The following RELN variants were observed in gnomAD, a reference collection of about 807,000 sequenced individuals.
The protein encoded by RELN is reelin.
In RELN, 108 loss-of-function variants were observed where a neutral mutation model predicts 427.6. The ratio of observed to expected loss-of-function variants is 0.25; its 90% confidence interval spans 0.22 to 0.30. The LOEUF (loss-of-function observed/expected upper bound fraction) is 0.30, where lower values mean the gene tolerates loss of function less well. RELN is among the 10% of genes least tolerant of loss of function. The pLI is 1.00. For missense variants in RELN, 3,715 were observed against 4,302.8 expected (o/e 0.86, Z 3.82); for synonymous variants, 1,524 against 1,513.4 (o/e 1.01, Z -0.16).
rs371510474 is a variant in RELN, at chr7:103,561,522, T to G, written c.5529+10A>C. 4.4e-6 allele frequency: 7 copies of G among 1,602,260 alleles called. No homozygotes were observed. Among genetic ancestry groups the G allele is most frequent in the African/African-American group, 2.7e-5 (2 of 74,640 alleles). On this transcript the variant is annotated intron_variant, in intron 36 of 64. Coordinates refer to ENST00000428762, the MANE Select transcript of RELN (RefSeq NM_005045.4). ...TAATGTTGGGAAGGAGAATCTTATC[T>G]GTATCTGACCCCTTTAAAAATTAGA...
chr7:103,486,531 A>T, intron 60 of RELN, 115 bp from the exon 61 acceptor site: 1 of 825,888 alleles, frequency 1.2e-6, no homozygotes, highest in South Asian at 1.5e-5. Context: ...ATGGCAAAAT[A>T]CAAGGAACTT....
intron 3 of RELN, among the ~76,000 whole-genome samples, chr7:103,783,978 C>A (rs1358232803): frequency 2.0e-5 from 3 of 149,624 alleles, no homozygotes; most frequent in Non-Finnish European, 3.0e-5. Flanking sequence ...GGATATGTAA[C>A]AGCAAAGAGA....
chr7:103,540,233 C>T lies in RELN; in HGVS notation c.6894G>A (p.Glu2298=), dbSNP rs748953320. 6.2e-7 allele frequency: 1 copy of T among 1,614,206 alleles called. No homozygotes were observed. Among genetic ancestry groups the T allele is most frequent in the Non-Finnish European group, 8.5e-7 (1 of 1,180,030 alleles). Reference sequence around the variant, plus strand: ...CCCAGGGGCTGTAGAAGTGCCCATTCTCAGACGGTTGCCACCAGCGAAGGC... The same window carrying T: ...CCCAGGGGCTGTAGAAGTGCCCATTTTCAGACGGTTGCCACCAGCGAAGGC... The part of the protein sequence containing the change: ...STRLRWWQPS[E]NGHFYSPWVI... The change falls in exon 44 of 65, where the codon GAG becomes GAA. Residue 2298 remains glutamate, a synonymous_variant. Coordinates refer to ENST00000428762, the MANE Select transcript of RELN (RefSeq NM_005045.4).
chr7:103,731,209 A>C (rs117271375), intron 6 of RELN, among the ~76,000 whole-genome samples: 2,298 of 152,244 alleles, frequency 0.015, 21 homozygotes, highest in Non-Finnish European at 0.025. Context: ...TGGTCCCGGA[A>C]CTGGTCCTGA....
At chr7:103,882,092 G>T (rs1443803463) in intron 2 of RELN, among the ~76,000 whole-genome samples, 1 of 152,130 alleles carries the variant, frequency 6.6e-6, no homozygotes, top group East Asian at 1.9e-4. Context: ...TTAATTAAAT[G>T]ATTCTCTGAA....
chr7:103,768,545 T>A (rs1353091926), intron 4 of RELN, among the ~76,000 whole-genome samples: 1 of 152,194 alleles, frequency 6.6e-6, no homozygotes, highest in Non-Finnish European at 1.5e-5. Flanking sequence ...TCATGGTCCA[T>A]AGCAAACATT....
At position 103,569,125 on chromosome 7, in the gene RELN, G is replaced by C. The variant is rs1437374196; in HGVS notation, c.4589-2366C>G. On this transcript the variant is annotated intron_variant, in intron 31 of 64. Transcript: ENST00000428762. This position sits in a 1 kb window ranked among gnomAD's most constrained non-coding sequence, Gnocchi z 4.0. ...TAAAAGGCATTGTCGTTTATTCCTTGCTCCCTCTCAGATCTCTTGCTCTGG... is the reference window on the plus strand; with the variant it reads ...TAAAAGGCATTGTCGTTTATTCCTTCCTCCCTCTCAGATCTCTTGCTCTGG... 2.0e-5 allele frequency among the ~76,000 whole-genome samples: 3 copies of C among 152,122 alleles called. No homozygotes were observed. Among genetic ancestry groups the C allele is most frequent in the Non-Finnish European group, 4.4e-5 (3 of 68,028 alleles).
chr7:103,613,663 T>C (rs117963203), intron 20 of RELN, among the ~76,000 whole-genome samples: 3,218 of 152,290 alleles, frequency 0.021, 48 homozygotes, highest in Non-Finnish European at 0.031. Flanking sequence ...ATGAGGAAGA[T>C]ACTTAGAGGC....
chr7:103,913,978 G>C (rs1795425689), intron 2 of RELN, among the ~76,000 whole-genome samples: 1 of 152,078 alleles, frequency 6.6e-6, no homozygotes, highest in Non-Finnish European at 1.5e-5. Context: ...GTCGCTGATG[G>C]GCTCTGCCCA....
chr7:103,706,023 C>A (rs1320665771), intron 8 of RELN, among the ~76,000 whole-genome samples: 2 of 152,106 alleles, frequency 1.3e-5, no homozygotes, highest in South Asian at 2.1e-4. Context: ...ATTTTAAATT[C>A]ATTACTGCTT....
intron 6 of RELN, among the ~76,000 whole-genome samples, chr7:103,743,898 A>C (rs1168227278): frequency 2.0e-5 from 3 of 152,140 alleles, no homozygotes; most frequent in Non-Finnish European, 2.9e-5. Flanking sequence ...GAATTCAGCT[A>C]TGCACCAAGC....
At chr7:103,962,192 T>C (rs1796571563) in intron 1 of RELN, among the ~76,000 whole-genome samples, 1 of 152,136 alleles carries the variant, frequency 6.6e-6, no homozygotes, top group African/African-American at 2.4e-5. Context: ...CGTGCTGAAC[T>C]CATCCTGTTC....
chr7:103,477,033 C>A (rs1215106971), intron 64 of RELN, among the ~76,000 whole-genome samples: 1 of 152,118 alleles, frequency 6.6e-6, no homozygotes, highest in Non-Finnish European at 1.5e-5. Flanking sequence ...GAACTAGGTC[C>A]ATTTTTAAAT....
At chr7:103,888,243 AAAT>A (rs1344809527) in intron 2 of RELN, among the ~76,000 whole-genome samples, 2 of 105,840 alleles carry the variant, frequency 1.9e-5, no homozygotes, top group African/African-American at 7.9e-5. Context: ...TAAGAAAAAA[AAAT>A]ATATATATAT....
intron 55 of RELN, 136 bp downstream of exon 55, chr7:103,497,684 A>G (rs1346167505): frequency 1.3e-6 from 1 of 758,750 alleles, no homozygotes; most frequent in African/African-American, 1.7e-5. Flanking sequence ...AATACAAACA[A>G]AATCTGTAGC....
intron 11 of RELN, among the ~76,000 whole-genome samples, chr7:103,674,171 G>T (rs1201733282): frequency 1.3e-5 from 2 of 149,940 alleles, no homozygotes; most frequent in African/African-American, 5.0e-5. Flanking sequence ...TGCCTATACT[G>T]ATATTCAGGA....
intron 63 of RELN, among the ~76,000 whole-genome samples, chr7:103,479,571 A>T (rs578222539): frequency 6.6e-6 from 1 of 152,036 alleles, no homozygotes; most frequent in Non-Finnish European, 1.5e-5. Context: ...GGAAGATTAC[A>T]CTCTCAAACA....
chr7:103,713,456 A>T (rs994935625), intron 8 of RELN, among the ~76,000 whole-genome samples: 1 of 152,156 alleles, frequency 6.6e-6, no homozygotes, highest in African/African-American at 2.4e-5. Context: ...AGTGAGTGGA[A>T]AGAGAGATAG....
chr7:103,843,361 C>T (rs116602153), intron 2 of RELN, among the ~76,000 whole-genome samples: 3 of 152,186 alleles, frequency 2.0e-5, no homozygotes, highest in South Asian at 2.1e-4. Flanking sequence ...CACACCACTA[C>T]GCCCAGTAAG....
Sources: gnomAD v4.1 joint callset for allele counts (sites outside exome capture counted in the v4.1 genomes callset) on GRCh38, gnomAD v4.1.1 for gene constraint, Gnocchi (gnomAD v3.1) non-coding constraint, MANE v1.5 for transcripts, NCBI Gene and HGNC (gene_info 2026-07-23, HGNC 2026-07-21) for gene names.